RBFOX1: variants seen among roughly 807,000 people sequenced by gnomAD.
The protein encoded by RBFOX1 is RNA binding fox-1 homolog 1.
Under a neutral mutation model 57.7 loss-of-function variants are expected in RBFOX1, and 8 were observed. The ratio of observed to expected loss-of-function variants is 0.14; its 90% confidence interval spans 0.08 to 0.25. The LOEUF is 0.25. RBFOX1 is among the 10% of genes least tolerant of loss of function. The pLI is 1.00. For synonymous variants in RBFOX1, 326 were observed against 222.4 expected (o/e 1.47, Z -4.15); for missense variants, 611 against 548.5 (o/e 1.11, Z -1.14).
intron 3 of RBFOX1, among the ~76,000 whole-genome samples, chr16:5,632,101 G>C (rs1049600105): frequency 6.6e-6 from 1 of 152,236 alleles, no homozygotes; most frequent in African/African-American, 2.4e-5. Flanking sequence ...AAGGGCATCT[G>C]TGTGTGCCCA....
intron 4 of RBFOX1, among the ~76,000 whole-genome samples, chr16:7,488,108 G>A (rs1467195600): frequency 1.3e-5 from 2 of 152,150 alleles, no homozygotes; most frequent in Admixed American, 6.5e-5. Flanking sequence ...TGAGCAGGCT[G>A]GAGTGCTAAT....
chr16:6,797,966 G>A (rs748389453), intron 3 of RBFOX1, among the ~76,000 whole-genome samples: 1 of 151,986 alleles, frequency 6.6e-6, no homozygotes, highest in African/African-American at 2.4e-5. Flanking sequence ...TGGTGATCAC[G>A]GTGATGGTGA....
At chr16:6,767,018 C>T (rs12921974) in intron 3 of RBFOX1, among the ~76,000 whole-genome samples, 46,941 of 152,046 alleles carry the variant, frequency 0.31, 9,333 homozygotes, top group Non-Finnish European at 0.44. Context: ...CATTTCTGGT[C>T]ATGGCGAGGT....
intron 1 of RBFOX1, among the ~76,000 whole-genome samples, chr16:5,457,850 C>A (rs1026884323): frequency 6.6e-6 from 1 of 152,146 alleles, no homozygotes; most frequent in African/African-American, 2.4e-5. Context: ...TTCCTTCTTT[C>A]TTCCCAGCAG....
At chr16:6,018,379 T>C (rs535931942), upstream of RBFOX1, among the ~76,000 whole-genome samples, 1 of 152,312 alleles carries the variant, frequency 6.6e-6, no homozygotes, top group East Asian at 1.9e-4. Flanking sequence ...CCATGTAAAG[T>C]GCTTAAAACA....
At chr16:5,452,739 G>A (rs2068466170) in intron 1 of RBFOX1, among the ~76,000 whole-genome samples, 1 of 151,758 alleles carries the variant, frequency 6.6e-6, no homozygotes, top group African/African-American at 2.4e-5. Flanking sequence ...CGCCTCCTAG[G>A]TTCAAGCCAT....
chr16:5,679,279 T>C (rs1183183448), intron 3 of RBFOX1, among the ~76,000 whole-genome samples: 1 of 152,162 alleles, frequency 6.6e-6, no homozygotes, highest in Non-Finnish European at 1.5e-5. Context: ...CTAAATAATA[T>C]GCTAAAGTCA....
rs370145521 is a variant in RBFOX1 at position 7,236,443 on chromosome 16, C to T, written c.27+184345C>T. 1.1e-4 allele frequency among the ~76,000 whole-genome samples: 16 copies of T among 152,206 alleles called. No homozygotes were observed. In the South Asian group the frequency reaches 2.1e-3, roughly 20 times the overall value. On this transcript the variant is annotated intron_variant, in intron 4 of 15. Transcript: ENST00000550418. ...ACATCTGGCCTTCAGTTCTCCTCTC[C>T]GCTGTCATGCAATCTGGCAGAATCT...
At chr16:7,685,808 T>C (rs907644218) in intron 14 of RBFOX1, among the ~76,000 whole-genome samples, 11 of 152,074 alleles carry the variant, frequency 7.2e-5, no homozygotes, top group African/African-American at 2.7e-4. Flanking sequence ...CCAGGTCTTG[T>C]AGGTAACTGT....
At chr16:7,515,299 G>T (rs958476742) in intron 4 of RBFOX1, among the ~76,000 whole-genome samples, 15 of 148,086 alleles carry the variant, frequency 1.0e-4, no homozygotes, top group African/African-American at 3.9e-4. Flanking sequence ...CCTTTTGGTT[G>T]TAAGTAACAG....
intron 3 of RBFOX1, among the ~76,000 whole-genome samples, chr16:6,788,981 G>A (rs980143322): frequency 6.6e-6 from 1 of 152,134 alleles, no homozygotes; most frequent in African/African-American, 2.4e-5. Context: ...GGGACATGTG[G>A]TTTTATTCCC....
At chr16:7,304,283 G>A in intron 4 of RBFOX1, 2 of 983,894 alleles carry the variant, frequency 2.0e-6, no homozygotes, top group Non-Finnish European at 2.4e-6. Flanking sequence ...TAGATAACCA[G>A]CAAAATTAAA....
chr16:7,176,634 A>C (rs2081711623), intron 4 of RBFOX1, among the ~76,000 whole-genome samples: 1 of 152,168 alleles, frequency 6.6e-6, no homozygotes, highest in Non-Finnish European at 1.5e-5. Flanking sequence ...ATGGGTGGCA[A>C]AGCCTGAAAT....
chr16:7,354,691 G>C (rs1355817616), intron 4 of RBFOX1, among the ~76,000 whole-genome samples: 3 of 152,136 alleles, frequency 2.0e-5, no homozygotes, highest in Non-Finnish European at 4.4e-5. Flanking sequence ...AGCACTCTCT[G>C]GAAACATACT....
chr16:7,540,159 T>G (rs2082543847), intron 5 of RBFOX1, among the ~76,000 whole-genome samples: 1 of 152,230 alleles, frequency 6.6e-6, no homozygotes, highest in East Asian at 1.9e-4. Context: ...CTCACTCTGC[T>G]ACTTTAGAGT....
At chr16:5,339,531 G>A (rs759247951) in intron 1 of RBFOX1, among the ~76,000 whole-genome samples, 18 of 121,090 alleles carry the variant, frequency 1.5e-4, no homozygotes, top group African/African-American at 4.8e-4. Context: ...CACTCAGGCC[G>A]GAATGCAGTG....
At chr16:7,490,316 G>A (rs944044610) in intron 4 of RBFOX1, among the ~76,000 whole-genome samples, 2 of 152,190 alleles carry the variant, frequency 1.3e-5, no homozygotes, top group Middle Eastern at 3.2e-3. Context: ...TGCTAGCTCT[G>A]CTAGACTAGG....
intron 3 of RBFOX1, among the ~76,000 whole-genome samples, chr16:6,979,910 T>C (rs1454557580): frequency 6.6e-6 from 1 of 152,130 alleles, no homozygotes; most frequent in Non-Finnish European, 1.5e-5. Flanking sequence ...CAAGATCTTG[T>C]CAAAGAGATG....
chr16:6,999,054 A>T (rs1022752827), intron 3 of RBFOX1, among the ~76,000 whole-genome samples: 1 of 151,310 alleles, frequency 6.6e-6, no homozygotes, highest in Non-Finnish European at 1.5e-5. Flanking sequence ...TTATTAGTAG[A>T]GACAGGGTTT....
Sources: allele counts gnomAD v4.1 joint callset (sites outside exome capture counted in the v4.1 genomes callset), GRCh38; gene constraint gnomAD v4.1.1; transcripts MANE v1.5; gene names NCBI Gene and HGNC (gene_info 2026-07-23, HGNC 2026-07-21).